The following SMC6 variants were observed in gnomAD, a reference collection of about 807,000 sequenced individuals.
SMC6 encodes structural maintenance of chromosomes protein 6.
In SMC6, 79 loss-of-function variants were observed where a neutral mutation model predicts 142.2. That is an observed-to-expected ratio of 0.56 (90% CI 0.46 to 0.67). The LOEUF (loss-of-function observed/expected upper bound fraction) is 0.67, where lower values mean the gene tolerates loss of function less well. SMC6 is among the 30% of genes least tolerant of loss of function. The probability of loss-of-function intolerance (pLI) is 0.00; values close to 1 mark genes in which losing one functional copy is unlikely to be tolerated. For missense variants in SMC6, 1,072 were observed against 1,284.0 expected (o/e 0.83, Z 2.52); for synonymous variants, 411 against 412.4 (o/e 1.00, Z 0.04).
chr2:17,667,588 G>A (rs2103458576), intron 26 of SMC6, among the ~76,000 whole-genome samples: 1 of 152,324 alleles, frequency 6.6e-6, no homozygotes, highest in African/African-American at 2.4e-5. Context: ...AGCAGCTCAT[G>A]CCTTTAATCC....
At chr2:17,713,901 C>A (rs1308698592) in intron 16 of SMC6, among the ~76,000 whole-genome samples, 2 of 152,144 alleles carry the variant, frequency 1.3e-5, no homozygotes, top group African/African-American at 4.8e-5. Context: ...TTTCTCAACT[C>A]CTCTCTGAAT....
chr2:17,749,318 T>G (rs1558385916), intron 2 of SMC6, among the ~76,000 whole-genome samples: 1 of 152,102 alleles, frequency 6.6e-6, no homozygotes, highest in Non-Finnish European at 1.5e-5. Flanking sequence ...AAAAACAGAA[T>G]TAAAGAACAC....
At chr2:17,732,092 T>C (rs555535219) in intron 5 of SMC6, among the ~76,000 whole-genome samples, 1 of 152,314 alleles carries the variant, frequency 6.6e-6, no homozygotes, top group Admixed American at 6.5e-5. Flanking sequence ...TAAGTGAAGC[T>C]TCAAAAAAAT....
intron 25 of SMC6, among the ~76,000 whole-genome samples, chr2:17,676,292 A>T (rs749300570): frequency 4.0e-4 from 61 of 152,170 alleles, no homozygotes; most frequent in Non-Finnish European, 4.1e-4. Context: ...TTAACAAATT[A>T]ATCATGGTTA....
At chr2:17,738,591 T>C (rs571089388) in intron 4 of SMC6, among the ~76,000 whole-genome samples, 4 of 152,300 alleles carry the variant, frequency 2.6e-5, no homozygotes, top group Admixed American at 1.3e-4. Flanking sequence ...ATGGTAAAAA[T>C]TGTTGTGACA....
In SMC6 at chr2:17,725,348, T is replaced by G; in HGVS notation, c.635A>C (p.Lys212Thr). 1 of 1,598,080 alleles carries G rather than the reference T, an allele frequency of 6.3e-7. No individual in the cohort carries two copies. Among genetic ancestry groups the G allele is most frequent in the East Asian group, 2.2e-5 (1 of 44,504 alleles). Residue 212 changes from lysine (K) to threonine (T), a missense_variant, in exon 9 of 28, where the codon AAA becomes ACA. This residue lies in a region of SMC6 where 994 missense variants were observed against 1,153.2 expected (regional missense o/e 0.86). Transcript: ENST00000448223. ...NEGDKYKFFM[K>T]ATQLEQMKED... ...CTTCATCTGTTCAAGTTGCGTTGCTTTCATGAAGAACTATTATCAATAACA... is the reference window on the plus strand; with the variant it reads ...CTTCATCTGTTCAAGTTGCGTTGCTGTCATGAAGAACTATTATCAATAACA...
chr2:17,738,656 A>ATCCC (rs1558376935), intron 4 of SMC6, among the ~76,000 whole-genome samples: 1 of 152,174 alleles, frequency 6.6e-6, no homozygotes, highest in Non-Finnish European at 1.5e-5. Flanking sequence ...TAAATGAATC[A>ATCCC]TCCCTCTATT....
chr2:17,666,935 T>C (rs1666523973), intron 26 of SMC6, among the ~76,000 whole-genome samples: 4 of 152,078 alleles, frequency 2.6e-5, no homozygotes, highest in Admixed American at 2.6e-4. Flanking sequence ...TAAGCTATGA[T>C]CGCACCATTG....
chr2:17,673,705 G>A (rs937129974), intron 25 of SMC6, among the ~76,000 whole-genome samples: 2 of 151,580 alleles, frequency 1.3e-5, no homozygotes, highest in African/African-American at 4.9e-5. Context: ...GAGTAGCTGG[G>A]ATTACAGGCA....
intron 5 of SMC6, among the ~76,000 whole-genome samples, chr2:17,734,579 A>G (rs892116488): frequency 6.6e-6 from 1 of 152,136 alleles, no homozygotes; most frequent in African/African-American, 2.4e-5. Flanking sequence ...TTAAATGACT[A>G]CATATATTTG....
chr2:17,727,129 C>T (rs1216112550), intron 7 of SMC6, among the ~76,000 whole-genome samples: 1 of 152,148 alleles, frequency 6.6e-6, no homozygotes, highest in Non-Finnish European at 1.5e-5. Flanking sequence ...ATGGTTATTA[C>T]TGAGTGTAAA....
At chr2:17,750,495 T>C (rs544861995) in intron 2 of SMC6, among the ~76,000 whole-genome samples, 1 of 152,342 alleles carries the variant, frequency 6.6e-6, no homozygotes, top group East Asian at 1.9e-4. Flanking sequence ...TTTATGTAGC[T>C]ACAACTTAGT....
chr2:17,745,925 T>A lies in SMC6; in HGVS notation c.22A>T (p.Asn8Tyr). Residue 8 changes from asparagine (N) to tyrosine (Y), a missense_variant, in exon 3 of 28, where the codon AAT becomes TAT. By Grantham distance (143) the Asn-to-Tyr change is moderately radical. Coordinates refer to ENST00000448223, the MANE Select transcript of SMC6 (RefSeq NM_001142286.2). MAKRKEENFSSPKNAKRP... is the reference protein window; with the variant it reads MAKRKEEYFSSPKNAKRP... ...TTGGCATTTTTAGGAGAGGAAAAAT[T>A]TTCTTCCTTTCTTTTGGCCATCAGG... 6.2e-7 allele frequency: 1 copy of A among 1,608,722 alleles called. No homozygotes were observed. Among genetic ancestry groups the A allele is most frequent in the Non-Finnish European group, 8.5e-7 (1 of 1,177,544 alleles).
intron 3 of SMC6, among the ~76,000 whole-genome samples, chr2:17,744,722 AGT>A (rs1670652948): frequency 6.6e-6 from 1 of 152,110 alleles, no homozygotes; most frequent in Non-Finnish European, 1.5e-5. Context: ...TTTTTTTGTG[AGT>A]GCTCTTTAAC....
intron 21 of SMC6, among the ~76,000 whole-genome samples, chr2:17,699,941 T>C (rs1252818301): frequency 6.6e-6 from 1 of 151,616 alleles, no homozygotes; most frequent in African/African-American, 2.4e-5. Context: ...TTCTGATTTT[T>C]AAAAATCATA....
At chr2:17,717,009 AAATAT>A (rs1245342763) in intron 13 of SMC6, 74 bp downstream of exon 13, 1 of 1,523,262 alleles carries the variant, frequency 6.6e-7, no homozygotes. Flanking sequence ...ACAATACATA[AAATAT>A]AATACTCCAA....
intron 25 of SMC6, among the ~76,000 whole-genome samples, chr2:17,676,409 G>T (rs1024521870): frequency 1.3e-5 from 2 of 151,968 alleles, no homozygotes; most frequent in Non-Finnish European, 2.9e-5. Flanking sequence ...CATATATGTG[G>T]CAATTTTTAC....
At chr2:17,699,008 T>C (rs938905252) in intron 21 of SMC6, among the ~76,000 whole-genome samples, 2 of 152,134 alleles carry the variant, frequency 1.3e-5, no homozygotes, top group Admixed American at 6.6e-5. Context: ...ATACCTCCTC[T>C]ACATACATTT....
At chr2:17,705,819 A>C (rs72768629) in intron 18 of SMC6, among the ~76,000 whole-genome samples, 1 of 152,222 alleles carries the variant, frequency 6.6e-6, no homozygotes, top group Admixed American at 6.5e-5. Context: ...GAGTTTTTAC[A>C]TAGAGAACAT....
Sources: allele counts gnomAD v4.1 joint callset (sites outside exome capture counted in the v4.1 genomes callset), GRCh38; gene constraint gnomAD v4.1.1; regional missense constraint gnomAD v4.1.1; transcripts MANE v1.5; gene names NCBI Gene and HGNC (gene_info 2026-07-23, HGNC 2026-07-21).